ANKRD13A: variants seen among roughly 807,000 people sequenced by gnomAD.
ANKRD13A encodes the protein ankyrin repeat domain 13A, also known as ankyrin repeat domain-containing protein 13A.
Under a neutral mutation model 81.3 loss-of-function variants are expected in ANKRD13A, and 48 were observed. The observed-to-expected ratio is 0.59, with a 90% CI of 0.47 to 0.75. ANKRD13A has a LOEUF of 0.75. ANKRD13A is among the 30% of genes least tolerant of loss of function. The pLI, the probability that ANKRD13A is intolerant of heterozygous loss-of-function variation, is 0.00. For missense variants in ANKRD13A, 612 were observed against 734.0 expected (o/e 0.83, Z 1.92); for synonymous variants, 230 against 270.1 (o/e 0.85, Z 1.45).
chr12:110,033,055 C>CTTTTTTT (rs1195852066), intron 12 of ANKRD13A, among the ~76,000 whole-genome samples: 28 of 130,472 alleles, frequency 2.1e-4, no homozygotes, highest in South Asian at 5.0e-4. Flanking sequence ...TTTTCTTTTT[C>CTTTTTTT]TTTTTTTTTT....
intron 12 of ANKRD13A, 30 bp from the exon 13 acceptor site, chr12:110,033,767 C>T (rs1891851981): frequency 6.4e-7 from 1 of 1,553,956 alleles, no homozygotes; most frequent in Non-Finnish European, 8.7e-7. Flanking sequence ...GTAATGAACT[C>T]AGACACTGGA....
chr12:110,037,405 A>G lies in ANKRD13A; in HGVS notation c.1624A>G (p.Ser542Gly). Residue 542 changes from serine to glycine, a missense_variant, in exon 15 of 15, where the codon AGC (serine) becomes GGC (glycine). Physicochemically the swap from Ser to Gly is moderately conservative, Grantham distance 56. Transcript: ENST00000261739. ...CACCAGCACAGAAGGCCTGTGCCCCAGCGCCCTGAGCGAGACAAGCCGTTT... is the reference window on the plus strand; with the variant it reads ...CACCAGCACAGAAGGCCTGTGCCCCGGCGCCCTGAGCGAGACAAGCCGTTT... ...LLTSTEGLCP[S>G]ALSETSRFDN... 6.2e-7 allele frequency: 1 copy of G among 1,614,198 alleles called. No homozygotes were observed. Among genetic ancestry groups the G allele is most frequent in the South Asian group, 1.1e-5 (1 of 91,086 alleles).
intron 1 of ANKRD13A, among the ~76,000 whole-genome samples, chr12:110,010,152 C>T (rs1013686109): frequency 2.6e-5 from 4 of 152,236 alleles, no homozygotes; most frequent in Non-Finnish European, 4.4e-5. Context: ...CAGGCATGAG[C>T]CACCGCGCCT....
intron 1 of ANKRD13A, among the ~76,000 whole-genome samples, chr12:110,004,985 T>C (rs1890165116): frequency 6.7e-6 from 1 of 149,138 alleles, no homozygotes; most frequent in African/African-American, 2.6e-5. Flanking sequence ...TTATGTATTA[T>C]GTATAAACAT....
rs776556231 is a variant in ANKRD13A, at chr12:110,033,767, C to CA, written c.1349-29dup. The CA allele has an allele frequency of 1.2e-5, 18 of 1,554,074 alleles. No individual in the cohort carries two copies. In the East Asian group the frequency reaches 2.3e-4, roughly 20 times the overall value. On this transcript the variant is annotated intron_variant, in intron 12 of 14. Coordinates refer to ENST00000261739, the MANE Select transcript of ANKRD13A (RefSeq NM_033121.2). ...AGTTGGAGTGGAAATGTAATGAACT[C>CA]AGACACTGGACGGTTGCCTTTTGTT... is the stretch of plus-strand genomic sequence containing the variant.
intron 7 of ANKRD13A, 128 bp downstream of exon 7, chr12:110,024,240 G>A (rs961141454): frequency 3.7e-6 from 3 of 815,704 alleles, no homozygotes; most frequent in African/African-American, 1.7e-5. Context: ...ACTGTCTAAT[G>A]TGTCTCTCAC....
At chr12:110,005,697 G>T (rs893775965) in intron 1 of ANKRD13A, among the ~76,000 whole-genome samples, 1 of 152,174 alleles carries the variant, frequency 6.6e-6, no homozygotes, top group South Asian at 2.1e-4. Context: ...TTGCATGGAT[G>T]TACTATGTTT....
At position 109,999,629 on chromosome 12, in the gene ANKRD13A, G is replaced by C; in HGVS notation, c.-60G>C. On this transcript the variant is annotated 5_prime_UTR_variant, in exon 1 of 15. Transcript: ENST00000261739. The surrounding 1 kb of genome is among the most constrained non-coding windows in gnomAD (Gnocchi z 4.3). ...TCAGGGCAGGCAGGCGGGCGCGGGA[G>C]ACCCCGCCGGGGCCGAGACTTGGGG... 1 of 1,397,782 alleles carries C rather than the reference G, an allele frequency of 7.2e-7. No individual in the cohort carries two copies. The highest frequency in any genetic ancestry group is 2.4e-5 in the Admixed American group (1 of 41,980). 86.6% of individuals were successfully genotyped at this position (1,397,782 alleles called of 1,614,324 possible).
chr12:110,028,936 CCAT>C (rs1430729838), intron 10 of ANKRD13A: 1 of 268,490 alleles, frequency 3.7e-6, no homozygotes, highest in African/African-American at 2.3e-5. Context: ...TAGGGTTTCA[CCAT>C]ATTGGTCAGG....
intron 1 of ANKRD13A, among the ~76,000 whole-genome samples, chr12:110,006,242 G>A (rs747800671): frequency 2.5e-4 from 38 of 152,158 alleles, no homozygotes; most frequent in South Asian, 4.1e-4. Context: ...GCAATTTTTC[G>A]AAGTGGCTGC....
At chr12:110,010,158 C>T (rs1456402284) in intron 1 of ANKRD13A, among the ~76,000 whole-genome samples, 3 of 152,226 alleles carry the variant, frequency 2.0e-5, no homozygotes, top group South Asian at 2.1e-4. Flanking sequence ...TGAGCCACCG[C>T]GCCTGGCTGA....
chr12:110,016,037 C>A (rs377428450), intron 3 of ANKRD13A, among the ~76,000 whole-genome samples: 6 of 151,516 alleles, frequency 4.0e-5, no homozygotes, highest in Non-Finnish European at 8.8e-5. Context: ...CTGCAGCCTC[C>A]ACCTCCTGGC....
In ANKRD13A at chr12:110,036,039, A is replaced by G. The variant is rs1359833706; in HGVS notation, c.1510-222A>G. On this transcript the variant is annotated intron_variant, in intron 13 of 14. Coordinates refer to ENST00000261739, the MANE Select transcript of ANKRD13A (RefSeq NM_033121.2). This position sits in a 1 kb window ranked among gnomAD's most constrained non-coding sequence, Gnocchi z 4.6. ...TTAAGAGACTGATTTTGTACAAAGGATGAGAAGGTTGTGGCTGTGAGTTAG... is the reference window on the plus strand; with the variant it reads ...TTAAGAGACTGATTTTGTACAAAGGGTGAGAAGGTTGTGGCTGTGAGTTAG... 6.6e-6 allele frequency among the ~76,000 whole-genome samples: 1 copy of G among 152,142 alleles called. No homozygotes were observed. Among genetic ancestry groups the G allele is most frequent in the Non-Finnish European group, 1.5e-5 (1 of 68,030 alleles).
At chr12:110,013,616 A>C (rs910579501) in intron 3 of ANKRD13A, among the ~76,000 whole-genome samples, 3 of 151,976 alleles carry the variant, frequency 2.0e-5, no homozygotes, top group African/African-American at 7.3e-5. Flanking sequence ...TGTCTCTAAA[A>C]AAAAATTAGC....
At position 110,025,798 on chromosome 12, in the gene ANKRD13A, C is replaced by T. The variant is rs753302534; in HGVS notation, c.858C>T (p.Thr286=). The part of the protein sequence containing the change: ...VITKIRTEHL[T]EEEKKRYKAD... ...CCAAAATACGCACAGAACATCTGAC[C>T]GAGGAGGAAAAAAAGAGATATAAAG... Residue 286 remains threonine (T), a synonymous_variant, in exon 8 of 15, where the codon ACC becomes ACT. Transcript: ENST00000261739. 10 of 1,613,104 alleles carry T rather than the reference C, an allele frequency of 6.2e-6. No individual in the cohort carries two copies. The highest frequency in any genetic ancestry group is 2.2e-5 in the East Asian group (1 of 44,846).
In ANKRD13A at chr12:110,025,846, C is replaced by T. The variant is rs1371063655; in HGVS notation, c.883+23C>T. On this transcript the variant is annotated intron_variant, in intron 8 of 14. Coordinates refer to ENST00000261739, the MANE Select transcript of ANKRD13A (RefSeq NM_033121.2). ...AAGGTAATCACCACCACCCTCCCAC[C>T]TCCTGTTTTGTTGTTATTTTTTAAG... 3.8e-6 allele frequency: 6 copies of T among 1,598,554 alleles called. No individual in the cohort carries two copies. In the Admixed American group the frequency reaches 6.7e-5, roughly 18 times the overall value.
chr12:110,000,313 G>A (rs1024634102), intron 1 of ANKRD13A, among the ~76,000 whole-genome samples: 1 of 152,208 alleles, frequency 6.6e-6, no homozygotes, highest in Non-Finnish European at 1.5e-5. Flanking sequence ...GAATGAGGAT[G>A]TTGGTGCTGG....
rs748355677 is a variant in ANKRD13A at position 110,036,606 on chromosome 12, G to T, written c.1577+278G>T. On this transcript the variant is annotated intron_variant, in intron 14 of 14. Coordinates refer to ENST00000261739, the MANE Select transcript of ANKRD13A (RefSeq NM_033121.2). This position sits in a 1 kb window ranked among gnomAD's most constrained non-coding sequence, Gnocchi z 4.6. Reference sequence around the variant, plus strand: ...CTCCTAAAAAAAATACAAAAAATTAGCCGGGCATGGTGCCAGGCACCTGTA... The same window carrying T: ...CTCCTAAAAAAAATACAAAAAATTATCCGGGCATGGTGCCAGGCACCTGTA... Among the ~76,000 whole-genome samples, 1 of 152,160 alleles carries T rather than the reference G, an allele frequency of 6.6e-6. No homozygotes were observed. Among genetic ancestry groups the T allele is most frequent in the Non-Finnish European group, 1.5e-5 (1 of 68,014 alleles).
chr12:110,010,939 C>T (rs1450936755), intron 1 of ANKRD13A, among the ~76,000 whole-genome samples: 2 of 152,076 alleles, frequency 1.3e-5, no homozygotes, highest in Non-Finnish European at 2.9e-5. Context: ...TGTATTATGG[C>T]ATTTAAAAAG....
Sources: allele counts gnomAD v4.1 joint callset (sites outside exome capture counted in the v4.1 genomes callset), GRCh38; gene constraint gnomAD v4.1.1; non-coding constraint Gnocchi (gnomAD v3.1); transcripts MANE v1.5; gene names NCBI Gene and HGNC (gene_info 2026-07-23, HGNC 2026-07-21).